GALNTL6: variants seen among roughly 807,000 people sequenced by gnomAD.
GALNTL6 encodes polypeptide N-acetylgalactosaminyltransferase like 6, also known as polypeptide N-acetylgalactosaminyltransferase-like 6.
A neutral mutation model predicts 73.7 loss-of-function variants in GALNTL6; 46 were observed. The ratio of observed to expected loss-of-function variants is 0.62; its 90% CI spans 0.49 to 0.80. The LOEUF (loss-of-function observed/expected upper bound fraction) is 0.80. Ranked by LOEUF, GALNTL6 falls within the 30% of genes least tolerant of loss-of-function variation. The probability of loss-of-function intolerance (pLI) is 0.00; values close to 1 mark genes in which losing one functional copy is unlikely to be tolerated. For synonymous variants in GALNTL6, 259 were observed against 263.7 expected (o/e 0.98, Z 0.17); for missense variants, 604 against 755.0 (o/e 0.80, Z 2.34).
chr4:172,684,989 A>G (rs1220887675), intron 5 of GALNTL6, among the ~76,000 whole-genome samples: 1 of 152,112 alleles, frequency 6.6e-6, no homozygotes, highest in Non-Finnish European at 1.5e-5. Flanking sequence ...AACTCATGAC[A>G]CTTTTTAGTA....
intron 5 of GALNTL6, among the ~76,000 whole-genome samples, chr4:172,467,858 CTT>C (rs1208373333): frequency 7.3e-6 from 1 of 137,308 alleles, no homozygotes; most frequent in South Asian, 2.3e-4. Flanking sequence ...TTCTTTCTTT[CTT>C]TCTTTCCTTC....
chr4:172,832,914 G>A (rs1210245470), intron 7 of GALNTL6, among the ~76,000 whole-genome samples: 12 of 152,150 alleles, frequency 7.9e-5, no homozygotes, highest in Admixed American at 1.3e-4. Context: ...AAGAAGGGGC[G>A]GTGATCCCCA....
chr4:172,995,980 T>C (rs935297600), intron 10 of GALNTL6, among the ~76,000 whole-genome samples: 2 of 152,208 alleles, frequency 1.3e-5, no homozygotes, highest in Non-Finnish European at 2.9e-5. Context: ...CTTGACTTTA[T>C]GAAATCACAG....
intron 5 of GALNTL6, among the ~76,000 whole-genome samples, chr4:172,547,640 C>G (rs935590605): frequency 6.6e-6 from 1 of 152,082 alleles, no homozygotes; most frequent in Non-Finnish European, 1.5e-5. Context: ...CACTTACTTC[C>G]TCTTATTCTC....
intron 5 of GALNTL6, among the ~76,000 whole-genome samples, chr4:172,577,980 A>G (rs1041589527): frequency 6.6e-6 from 1 of 152,192 alleles, no homozygotes; most frequent in Non-Finnish European, 1.5e-5. Context: ...GACTGGGGAT[A>G]ATGATGACAA....
intron 5 of GALNTL6, among the ~76,000 whole-genome samples, chr4:172,679,495 T>C (rs1732508128): frequency 6.6e-6 from 1 of 152,126 alleles, no homozygotes; most frequent in Admixed American, 6.6e-5. Context: ...CTTGCCAATT[T>C]CTGGTCTAAA....
chr4:171,891,424 C>A (rs1307948673), intron 2 of GALNTL6, among the ~76,000 whole-genome samples: 2 of 152,042 alleles, frequency 1.3e-5, no homozygotes, highest in East Asian at 3.9e-4. Context: ...CTTAATTAAG[C>A]ATTTTAAAAT....
intron 5 of GALNTL6, among the ~76,000 whole-genome samples, chr4:172,660,149 T>C (rs140162186): frequency 5.3e-5 from 8 of 152,364 alleles, no homozygotes; most frequent in African/African-American, 1.7e-4. Flanking sequence ...TCAGCCAAGA[T>C]CACAAAGTTA....
intron 5 of GALNTL6, among the ~76,000 whole-genome samples, chr4:172,795,692 A>G (rs144772674): frequency 6.6e-6 from 1 of 152,196 alleles, no homozygotes; most frequent in African/African-American, 2.4e-5. Flanking sequence ...AAACCATCCA[A>G]TTACATTCTC....
chr4:172,716,398 A>G (rs1735093468), intron 5 of GALNTL6, among the ~76,000 whole-genome samples: 1 of 152,160 alleles, frequency 6.6e-6, no homozygotes, highest in South Asian at 2.1e-4. Context: ...AGTTCAGCTG[A>G]TAGGTTTTAT....
chr4:172,922,110 C>G (rs1747823940), intron 8 of GALNTL6, among the ~76,000 whole-genome samples: 1 of 152,108 alleles, frequency 6.6e-6, no homozygotes, highest in African/African-American at 2.4e-5. Context: ...ATGGGTTTAT[C>G]AGAGGTTTCC....
At chr4:172,074,481 G>A (rs914063281) in intron 2 of GALNTL6, among the ~76,000 whole-genome samples, 3 of 146,742 alleles carry the variant, frequency 2.0e-5, no homozygotes, top group African/African-American at 8.2e-5. Flanking sequence ...ATCCACAATT[G>A]CCATCCACAA....
At chr4:172,119,071 A>G (rs1171448719) in intron 2 of GALNTL6, among the ~76,000 whole-genome samples, 1 of 152,090 alleles carries the variant, frequency 6.6e-6, no homozygotes, top group Non-Finnish European at 1.5e-5. Flanking sequence ...GAAAGCATAC[A>G]GTGGGTTGTG....
intron 2 of GALNTL6, among the ~76,000 whole-genome samples, chr4:171,994,265 G>A (rs1430877416): frequency 6.6e-6 from 1 of 152,034 alleles, no homozygotes; most frequent in Non-Finnish European, 1.5e-5. Flanking sequence ...GCTAATACTA[G>A]AGCAGAAGGC....
At chr4:171,901,566 C>T (rs577646640) in intron 2 of GALNTL6, among the ~76,000 whole-genome samples, 31 of 152,296 alleles carry the variant, frequency 2.0e-4, no homozygotes, top group Non-Finnish European at 3.2e-4. Flanking sequence ...GGAGGCATCT[C>T]AGGACCAGAC....
At chr4:172,062,397 T>C (rs538856080) in intron 2 of GALNTL6, among the ~76,000 whole-genome samples, 25 of 152,338 alleles carry the variant, frequency 1.6e-4, no homozygotes, top group Non-Finnish European at 2.9e-4. Context: ...ATTTTATTGC[T>C]ATGAAATAAG....
chr4:172,399,928 T>C (rs986624870), intron 5 of GALNTL6, among the ~76,000 whole-genome samples: 1 of 152,168 alleles, frequency 6.6e-6, no homozygotes, highest in Non-Finnish European at 1.5e-5. Flanking sequence ...TATAGGTACT[T>C]AAAAAGTTTG....
At chr4:172,692,856 A>G (rs1421306964) in intron 5 of GALNTL6, among the ~76,000 whole-genome samples, 1 of 152,174 alleles carries the variant, frequency 6.6e-6, no homozygotes, top group Non-Finnish European at 1.5e-5. Flanking sequence ...ATTTCCTTCT[A>G]CAATACAGAC....
At chr4:171,998,195 A>G (rs1740553054) in intron 2 of GALNTL6, among the ~76,000 whole-genome samples, 1 of 152,300 alleles carries the variant, frequency 6.6e-6, no homozygotes, top group Middle Eastern at 3.4e-3. Flanking sequence ...GCATCTAGAA[A>G]TAGGTGTCAT....
Sources: allele counts gnomAD v4.1 joint callset (sites outside exome capture counted in the v4.1 genomes callset), GRCh38; gene constraint gnomAD v4.1.1; transcripts MANE v1.5; gene names NCBI Gene and HGNC (gene_info 2026-07-23, HGNC 2026-07-21).